The following SLC35D4 variants were observed in gnomAD, a reference collection of about 807,000 sequenced individuals.
SLC35D4 encodes solute carrier family 35 member D4, also known as UDP-N-acetylglucosamine transporter SLC35D4.
the SLC35D4 span, among the ~76,000 whole-genome samples, chr18:23,378,069 T>C: frequency 6.6e-6 from 1 of 151,880 alleles, no homozygotes; most frequent in Non-Finnish European, 1.5e-5. Context: ...TCTGTTGCCC[T>C]GGCTGGAGTG....
the SLC35D4 span, chr18:23,352,080 G>C: frequency 6.4e-5 from 49 of 761,732 alleles, no homozygotes; most frequent in Admixed American, 1.3e-3. Flanking sequence ...TCAGGCTCAG[G>C]GACAGCGCCT....
chr18:23,336,207 G>A, the SLC35D4 span, among the ~76,000 whole-genome samples: 1 of 152,042 alleles, frequency 6.6e-6, no homozygotes, highest in Non-Finnish European at 1.5e-5. Context: ...CCCCTCCCAC[G>A]TTCCCTGCAG....
chr18:23,430,197 A>T, the SLC35D4 span, among the ~76,000 whole-genome samples: 1 of 151,926 alleles, frequency 6.6e-6, no homozygotes, highest in African/African-American at 2.4e-5. Context: ...GGTGAGACAA[A>T]GGGGTCCAGT....
chr18:23,263,257 T>G, the SLC35D4 span, among the ~76,000 whole-genome samples: 1 of 152,248 alleles, frequency 6.6e-6, no homozygotes, highest in Non-Finnish European at 1.5e-5. Flanking sequence ...CTGAGCCAGA[T>G]GCTGGAGAGA....
the SLC35D4 span, among the ~76,000 whole-genome samples, chr18:23,326,675 T>G: frequency 6.6e-6 from 1 of 152,182 alleles, no homozygotes; most frequent in South Asian, 2.1e-4. Flanking sequence ...TATCCAGGAC[T>G]TGAACTCAGC....
chr18:23,364,895 T>G, the SLC35D4 span, among the ~76,000 whole-genome samples: 26 of 86,074 alleles, frequency 3.0e-4, no homozygotes, highest in East Asian at 4.5e-3. Flanking sequence ...AGAGTGAGAC[T>G]CTGTCTCAAA....
At chr18:23,354,237 C>T in the SLC35D4 span, among the ~76,000 whole-genome samples, 5 of 147,310 alleles carry the variant, frequency 3.4e-5, no homozygotes, top group African/African-American at 1.3e-4. Flanking sequence ...TGCGGTGGCT[C>T]AAGCCTGTAA....
the SLC35D4 span, among the ~76,000 whole-genome samples, chr18:23,285,931 TC>T: frequency 6.6e-6 from 1 of 152,150 alleles, no homozygotes; most frequent in South Asian, 2.1e-4. Flanking sequence ...GCGTTTAGGC[TC>T]TTTTTCATCA....
the SLC35D4 span, chr18:23,253,890 A>G: frequency 6.2e-7 from 1 of 1,614,218 alleles, no homozygotes; most frequent in Non-Finnish European, 8.5e-7. Context: ...TTAGCAGCCA[A>G]AATTGGAAGT....
At chr18:23,424,274 C>G in the SLC35D4 span, among the ~76,000 whole-genome samples, 1 of 152,118 alleles carries the variant, frequency 6.6e-6, no homozygotes, top group Non-Finnish European at 1.5e-5. Context: ...TGGAGGGTAA[C>G]CATTCACTGC....
the SLC35D4 span, chr18:23,352,410 T>C: frequency 1.4e-6 from 1 of 694,538 alleles, no homozygotes; most frequent in Non-Finnish European, 2.2e-6. Flanking sequence ...ACCTCATCTG[T>C]GTTTTCTAGA....
the SLC35D4 span, among the ~76,000 whole-genome samples, chr18:23,345,424 G>A: frequency 7.2e-6 from 1 of 138,700 alleles, no homozygotes; most frequent in Non-Finnish European, 1.5e-5. Context: ...GGAGGTTGCA[G>A]TGAGCCAAGA....
At chr18:23,374,858 T>C in the SLC35D4 span, among the ~76,000 whole-genome samples, 1 of 152,068 alleles carries the variant, frequency 6.6e-6, no homozygotes, top group Non-Finnish European at 1.5e-5. Flanking sequence ...CTCATACCTG[T>C]AATCCCAGCA....
chr18:23,411,244 G>A, the SLC35D4 span, among the ~76,000 whole-genome samples: 1 of 147,102 alleles, frequency 6.8e-6, no homozygotes, highest in Non-Finnish European at 1.5e-5. Flanking sequence ...GGAAGGGGAA[G>A]GGAAGGGAAG....
the SLC35D4 span, among the ~76,000 whole-genome samples, chr18:23,277,675 T>C: frequency 1.3e-5 from 2 of 152,208 alleles, no homozygotes; most frequent in Admixed American, 6.5e-5. Flanking sequence ...GAGAGAGAGA[T>C]TAAACTCAAC....
the SLC35D4 span, among the ~76,000 whole-genome samples, chr18:23,356,346 C>T: frequency 9.2e-5 from 14 of 152,290 alleles, no homozygotes; most frequent in African/African-American, 2.9e-4. The surrounding 1 kb of genome is among the most constrained non-coding windows in gnomAD (Gnocchi z 4.1). Context: ...AGAGCAAGCG[C>T]GAAAATCACT....
chr18:23,419,838 C>T, the SLC35D4 span, among the ~76,000 whole-genome samples: 1 of 151,686 alleles, frequency 6.6e-6, no homozygotes, highest in African/African-American at 2.4e-5. Flanking sequence ...GGAAATACAC[C>T]CTAAAGAATT....
chr18:23,273,942 A>T, the SLC35D4 span, among the ~76,000 whole-genome samples: 3 of 151,416 alleles, frequency 2.0e-5, no homozygotes, highest in East Asian at 1.9e-4. Context: ...TTTTTATTTT[A>T]TTTTTTTTGC....
chr18:23,252,096 A>AC, the SLC35D4 span, among the ~76,000 whole-genome samples: 8 of 152,270 alleles, frequency 5.3e-5, no homozygotes, highest in African/African-American at 1.7e-4. Flanking sequence ...AAAAAAAAAA[A>AC]AAAAGACTCC....
Sources: gnomAD v4.1 joint callset for allele counts (sites outside exome capture counted in the v4.1 genomes callset) on GRCh38, gnomAD v4.1.1 for gene constraint, Gnocchi (gnomAD v3.1) non-coding constraint, MANE v1.5 for transcripts, NCBI Gene and HGNC (gene_info 2026-07-23, HGNC 2026-07-21) for gene names.